Variants in RFLNA observed in about 807,000 individuals in gnomAD.
RFLNA encodes the protein refilin-A.
In RFLNA, 5 loss-of-function variants were observed where a neutral mutation model predicts 7.8. The observed-to-expected ratio is 0.64, with a 90% CI of 0.34 to 1.35. The LOEUF is 1.35. Ranked by LOEUF, RFLNA falls within the 40% of genes most tolerant of loss-of-function variation. The pLI, the probability that RFLNA is intolerant of heterozygous loss-of-function variation, is 0.04. For missense variants in RFLNA, 278 were observed against 305.5 expected (o/e 0.91, Z 0.67); for synonymous variants, 141 against 131.3 (o/e 1.07, Z -0.50).
In RFLNA at chr12:124,295,316, C is replaced by A; in HGVS notation, c.-114C>A. Reference sequence around the variant, plus strand: ...GGCCTGATCGCCGCCTCTCGCGGTGCCCGCAGGTCCCCGGGCGCGCAGCTC... The same window carrying A: ...GGCCTGATCGCCGCCTCTCGCGGTGACCGCAGGTCCCCGGGCGCGCAGCTC... On this transcript the variant is annotated 5_prime_UTR_variant, in exon 1 of 3. Transcript: ENST00000546355. 2.1e-6 allele frequency: 1 copy of A among 468,502 alleles called. No individual in the cohort carries two copies. Among genetic ancestry groups the A allele is most frequent in the Non-Finnish European group, 3.1e-6 (1 of 317,762 alleles). 29.0% of individuals were successfully genotyped at this position (468,502 alleles called of 1,614,324 possible).
chr12:124,292,757 G>A (rs146237321), upstream of RFLNA, among the ~76,000 whole-genome samples: 6 of 152,316 alleles, frequency 3.9e-5, no homozygotes, highest in East Asian at 1.9e-4. Flanking sequence ...CTCTTGATAA[G>A]CGGGCTTCTA....
intron 1 of RFLNA, among the ~76,000 whole-genome samples, chr12:124,297,154 G>A (rs975444114): frequency 1.3e-5 from 2 of 152,084 alleles, no homozygotes; most frequent in Non-Finnish European, 2.9e-5. Flanking sequence ...CCTGGAATCC[G>A]CCTTCTCCTT....
rs952139843 is a variant in RFLNA, at chr12:124,312,391, G to A, written c.317+464G>A. On this transcript the variant is annotated intron_variant, in intron 2 of 2. Coordinates refer to ENST00000546355, the MANE Select transcript of RFLNA (RefSeq NM_001365156.1). ...AGTGGTGGGATCATGGCTCACTGCA[G>A]CCTCAACCTCCTGGGCTTAAGCAAT... is the stretch of plus-strand genomic sequence containing the variant. Among the ~76,000 whole-genome samples, 8 of 151,138 alleles carry A rather than the reference G, an allele frequency of 5.3e-5. 1 individual carries two copies. In the South Asian group the frequency reaches 1.7e-3, roughly 32 times the overall value.
chr12:124,290,215 T>C (rs911401173), upstream of RFLNA, among the ~76,000 whole-genome samples: 1 of 152,180 alleles, frequency 6.6e-6, no homozygotes, highest in Non-Finnish European at 1.5e-5. The surrounding 1 kb of genome is among the most constrained non-coding windows in gnomAD (Gnocchi z 4.0). Context: ...TATGCATATG[T>C]GTGTGTGTAT....
At chr12:124,311,632 C>A (rs976938614) in intron 1 of RFLNA, 186 bp from the exon 2 acceptor site, 10 of 512,166 alleles carry the variant, frequency 2.0e-5, no homozygotes, top group Non-Finnish European at 3.4e-5. Context: ...GCCTGGATCC[C>A]ATGGAGGGCG....
chr12:124,295,574 G>C lies in RFLNA; in HGVS notation c.145G>C (p.Asp49His), dbSNP rs2033893074. 1 of 1,165,088 alleles carries C rather than the reference G, an allele frequency of 8.6e-7. No homozygotes were observed. The highest frequency in any genetic ancestry group is 4.8e-5 in the Admixed American group (1 of 20,818). 72.2% of individuals were successfully genotyped at this position (1,165,088 alleles called of 1,614,324 possible). ...CTACTCCCTGGCGCCCGGCATCCTC[G>C]ACGCGCGCGCGGGGGGCGCCGGCGC... ...PFYSLAPGIL[D>H]ARAGGAGASS... The change falls in exon 1 of 3, where the codon GAC becomes CAC. Residue 49 changes from aspartate (D) to histidine (H), a missense_variant. By Grantham distance (81) the Asp-to-His change is moderately conservative. Transcript: ENST00000546355.
chr12:124,310,572 G>C (rs2034226224), intron 1 of RFLNA, among the ~76,000 whole-genome samples: 1 of 145,606 alleles, frequency 6.9e-6, no homozygotes, highest in Admixed American at 6.8e-5. Flanking sequence ...TTCTGTTGAG[G>C]AGCAGGATGG....
intron 1 of RFLNA, among the ~76,000 whole-genome samples, chr12:124,304,022 T>A (rs1302169184): frequency 6.6e-6 from 1 of 152,232 alleles, no homozygotes; most frequent in Non-Finnish European, 1.5e-5. Flanking sequence ...TTCGGCAGTA[T>A]CTCGCTCCCG....
chr12:124,299,804 A>T (rs2033994261), intron 1 of RFLNA, among the ~76,000 whole-genome samples: 2 of 139,428 alleles, frequency 1.4e-5, no homozygotes, highest in Admixed American at 1.4e-4. Context: ...TGGGTGAGTA[A>T]CACAGCTGCT....
At chr12:124,304,776 C>T (rs535889926) in intron 1 of RFLNA, among the ~76,000 whole-genome samples, 208 of 152,326 alleles carry the variant, frequency 1.4e-3, no homozygotes, top group African/African-American at 4.7e-3. Flanking sequence ...CTCCCCAAAC[C>T]TTAGTGCTCA....
At chr12:124,308,959 C>T (rs755825207) in intron 1 of RFLNA, among the ~76,000 whole-genome samples, 25 of 152,220 alleles carry the variant, frequency 1.6e-4, no homozygotes, top group Admixed American at 3.3e-4. Context: ...GTGGCGGGTG[C>T]GACTGAGGAA....
Position 124,314,619 on chromosome 12 carries a change from C to T in RFLNA, c.*94C>T. 6.5e-7 allele frequency: 1 copy of T among 1,529,586 alleles called. No homozygotes were observed. Among genetic ancestry groups the T allele is most frequent in the East Asian group, 2.4e-5 (1 of 40,844 alleles). 94.8% of individuals were successfully genotyped at this position (1,529,586 alleles called of 1,614,324 possible). ...CGATGAGCTCGGCCTGGCACTCGGG[C>T]AGGAGGCGGGAAGGGAGGCTGCCAG... is the stretch of plus-strand genomic sequence containing the variant. On this transcript the variant is annotated 3_prime_UTR_variant, in exon 3 of 3. Transcript: ENST00000546355.
chr12:124,292,894 A>G (rs559467513), upstream of RFLNA, among the ~76,000 whole-genome samples: 1 of 152,332 alleles, frequency 6.6e-6, no homozygotes, highest in East Asian at 1.9e-4. Flanking sequence ...GTCAAAATGG[A>G]TGCAAACAGT....
rs758959424 is a variant in RFLNA, at chr12:124,311,915, C to G, written c.305C>G (p.Thr102Arg). Residue 102 changes from threonine to arginine, a missense_variant, in exon 2 of 3, where the codon ACG becomes AGG. Thr to Arg is a moderately conservative substitution (Grantham distance 71). Transcript: ENST00000546355. ...GESIKVNPEPTHEIRCNSEVK... is the reference protein window; with the variant it reads ...GESIKVNPEPRHEIRCNSEVK... ...AGCATCAAGGTGAACCCGGAACCCA[C>G]GCATGAGATCCGGTGAGTGGGCCAC... is the stretch of plus-strand genomic sequence containing the variant. 1.3e-6 allele frequency: 2 copies of G among 1,583,214 alleles called. No homozygotes were observed. The highest frequency in any genetic ancestry group is 2.4e-5 in the East Asian group (1 of 40,886).
intron 1 of RFLNA, among the ~76,000 whole-genome samples, chr12:124,302,655 G>A (rs1353551852): frequency 6.6e-6 from 1 of 152,182 alleles, no homozygotes; most frequent in African/African-American, 2.4e-5. Context: ...TCTTCCCCAT[G>A]GGTGATGGTC....
intron 1 of RFLNA, among the ~76,000 whole-genome samples, chr12:124,296,124 C>CTTTCTTTCTTTCTTT (rs1206464627): frequency 2.1e-3 from 5 of 2,334 alleles, no homozygotes; most frequent in African/African-American, 2.8e-3. Flanking sequence ...TTCTTTCTTT[C>CTTTCTTTCTTTCTTT]TCTCTCTCTC....
At chr12:124,308,522 C>T (rs2034178267) in intron 1 of RFLNA, among the ~76,000 whole-genome samples, 1 of 152,252 alleles carries the variant, frequency 6.6e-6, no homozygotes, top group Non-Finnish European at 1.5e-5. Context: ...ACCCTCGCTG[C>T]TTCTCTCCAG....
chr12:124,305,861 C>A (rs2034127805), intron 1 of RFLNA, among the ~76,000 whole-genome samples: 1 of 152,166 alleles, frequency 6.6e-6, no homozygotes, highest in South Asian at 2.1e-4. Flanking sequence ...AGGAAGGGAG[C>A]AGCTGCCTCT....
At chr12:124,311,792 C>T in intron 1 of RFLNA, 26 bp from the exon 2 acceptor site, 1 of 1,537,852 alleles carries the variant, frequency 6.5e-7, no homozygotes, top group South Asian at 1.2e-5. Context: ...GGCTGCATAA[C>T]CCCGTGTCCC....
Sources: gnomAD v4.1 joint callset for allele counts (sites outside exome capture counted in the v4.1 genomes callset) on GRCh38, gnomAD v4.1.1 for gene constraint, Gnocchi (gnomAD v3.1) non-coding constraint, MANE v1.5 for transcripts, NCBI Gene and HGNC (gene_info 2026-07-23, HGNC 2026-07-21) for gene names.